Variants in PCDH15 observed in about 807,000 individuals in gnomAD.
PCDH15 encodes protocadherin-15.
PCDH15 carries 129 observed loss-of-function variants against 178.5 expected under a neutral mutation model. That is an observed-to-expected ratio of 0.72 (90% CI 0.63 to 0.84). The LOEUF is 0.84. Ranked by LOEUF, PCDH15 falls within the 40% of genes least tolerant of loss-of-function variation. The probability of loss-of-function intolerance (pLI) is 0.00; values close to 1 mark genes in which losing one functional copy is unlikely to be tolerated. For missense variants in PCDH15, 2,230 were observed against 2,099.9 expected (o/e 1.06, Z -1.21); for synonymous variants, 800 against 732.0 (o/e 1.09, Z -1.50).
rs544604007 is a variant in PCDH15, at chr10:53,911,326, C to A, written c.3374-7956G>T. Among the ~76,000 whole-genome samples, 11 of 152,292 alleles carry A rather than the reference C, an allele frequency of 7.2e-5. No homozygotes were observed. The South Asian group carries it at 8.3e-4, about 11-fold the overall frequency. On this transcript the variant is annotated intron_variant, in intron 25 of 37. Transcript: ENST00000644397. ...AAACTCACTCAAAACCGCATAACTA[C>A]ATGGAAACTGAACAACCTGCTCCTG...
intron 1 of PCDH15, among the ~76,000 whole-genome samples, chr10:54,764,153 G>A (rs1192857855): frequency 6.6e-6 from 1 of 151,902 alleles, no homozygotes; most frequent in African/African-American, 2.4e-5. Context: ...ACTTTGTTAT[G>A]TCTCTTGTCT....
chr10:54,783,369 A>AT (rs1950550667), intron 1 of PCDH15, among the ~76,000 whole-genome samples: 1 of 152,076 alleles, frequency 6.6e-6, no homozygotes, highest in Non-Finnish European at 1.5e-5. Flanking sequence ...TAAAGTAGGA[A>AT]TTTTTTACTT....
chr10:55,387,856 T>C (rs1420782607), intron 2 of PCDH15, among the ~76,000 whole-genome samples: 1 of 152,076 alleles, frequency 6.6e-6, no homozygotes, highest in Admixed American at 6.6e-5. Context: ...TTTTTTTTAA[T>C]ACGGAGAGCT....
At chr10:54,661,844 G>A (rs2094497751) in intron 2 of PCDH15, among the ~76,000 whole-genome samples, 1 of 151,928 alleles carries the variant, frequency 6.6e-6, no homozygotes, top group African/African-American at 2.4e-5. Context: ...AGGAAAACTT[G>A]CTTGCTAAAT....
intron 1 of PCDH15, among the ~76,000 whole-genome samples, chr10:55,313,250 T>C (rs1588903565): frequency 6.6e-6 from 1 of 152,156 alleles, no homozygotes; most frequent in Admixed American, 6.5e-5. Flanking sequence ...AAATATTAAA[T>C]ATCACTAATT....
At chr10:54,473,189 CTT>C (rs775208988) in intron 3 of PCDH15, among the ~76,000 whole-genome samples, 1 of 152,100 alleles carries the variant, frequency 6.6e-6, no homozygotes, top group Non-Finnish European at 1.5e-5. Context: ...AACACATACT[CTT>C]TGAGATTTTG....
chr10:54,361,797 C>T (rs1427271637), intron 5 of PCDH15, among the ~76,000 whole-genome samples: 3 of 151,894 alleles, frequency 2.0e-5, no homozygotes, highest in South Asian at 2.1e-4. Flanking sequence ...TTTTAAGACT[C>T]GGGAAATAAA....
chr10:55,305,865 C>T (rs1219171736), intron 1 of PCDH15, among the ~76,000 whole-genome samples: 1 of 152,082 alleles, frequency 6.6e-6, no homozygotes, highest in Non-Finnish European at 1.5e-5. Context: ...ATCTACCATG[C>T]CTACCTTCCT....
intron 9 of PCDH15, among the ~76,000 whole-genome samples, chr10:54,220,843 A>T (rs542798193): frequency 6.7e-6 from 1 of 149,444 alleles, no homozygotes; most frequent in Admixed American, 6.6e-5. Flanking sequence ...TAAATAAATA[A>T]ATAAATAAAT....
chr10:54,778,182 T>C (rs750220452), intron 1 of PCDH15, among the ~76,000 whole-genome samples: 2 of 152,196 alleles, frequency 1.3e-5, no homozygotes, highest in Non-Finnish European at 2.9e-5. Flanking sequence ...ACAAATGTTA[T>C]GTATTTGCAC....
chr10:55,054,013 G>A (rs1010413313), intron 2 of PCDH15, among the ~76,000 whole-genome samples: 1 of 152,170 alleles, frequency 6.6e-6, no homozygotes, highest in South Asian at 2.1e-4. Flanking sequence ...AAAGCTACAT[G>A]TGCAGGTTTG....
chr10:54,175,176 A>C lies in PCDH15; in HGVS notation c.1590+8268T>G, dbSNP rs577302683. Among the ~76,000 whole-genome samples, 7 of 152,284 alleles carry C rather than the reference A, an allele frequency of 4.6e-5. No homozygotes were observed. The South Asian group carries it at 1.2e-3, about 27-fold the overall frequency. ...TAAATATAACCCTCAAACTTTAATC[A>C]TGACATTATACACACAAACCAAAGA... On this transcript the variant is annotated intron_variant, in intron 13 of 37. Transcript: ENST00000644397.
chr10:55,261,700 T>C (rs1361870575), intron 1 of PCDH15, among the ~76,000 whole-genome samples: 2 of 152,168 alleles, frequency 1.3e-5, no homozygotes, highest in African/African-American at 4.8e-5. Context: ...TTTCAAAAGT[T>C]CAAACAAATT....
intron 9 of PCDH15, among the ~76,000 whole-genome samples, chr10:54,233,743 C>T (rs911749549): frequency 1.3e-5 from 2 of 152,176 alleles, no homozygotes; most frequent in Non-Finnish European, 2.9e-5. Flanking sequence ...CCAAGTGCTT[C>T]CTGAGTATAT....
chr10:54,719,669 C>T (rs1326861205), intron 1 of PCDH15, among the ~76,000 whole-genome samples: 1 of 152,028 alleles, frequency 6.6e-6, no homozygotes, highest in Admixed American at 6.6e-5. Context: ...TAATGCTCTC[C>T]CTCACCTCAG....
chr10:53,809,207 C>T, intron 37 of PCDH15: 2 of 1,613,952 alleles, frequency 1.2e-6, no homozygotes, highest in Non-Finnish European at 1.7e-6. Context: ...TCACTGAACT[C>T]AGACTCTTCT....
At chr10:55,463,540 G>C (rs1213788339) in intron 2 of PCDH15, among the ~76,000 whole-genome samples, 3 of 152,096 alleles carry the variant, frequency 2.0e-5, no homozygotes, top group South Asian at 2.1e-4. Flanking sequence ...TGTAATCTAA[G>C]AGATTACAGA....
At chr10:55,483,239 G>C (rs1481425819) in intron 2 of PCDH15, among the ~76,000 whole-genome samples, 1 of 151,348 alleles carries the variant, frequency 6.6e-6, no homozygotes, top group African/African-American at 2.4e-5. Context: ...TGCATCAAAG[G>C]TCTAATGTCC....
In PCDH15 at chr10:55,233,529, T is replaced by G. The variant is rs140843376; in HGVS notation, c.-155-66878A>C. 4.1e-3 allele frequency among the ~76,000 whole-genome samples: 619 copies of G among 152,216 alleles called. 3 individuals are homozygous for G. The highest frequency in any genetic ancestry group is 0.016 in the South Asian group (75 of 4,832). Reference sequence around the variant, plus strand: ...TTTGCATAGACATGTGTCATAAGGATAAGAAAAATAAAGTCAACTTCATAA... The same window carrying G: ...TTTGCATAGACATGTGTCATAAGGAGAAGAAAAATAAAGTCAACTTCATAA... On this transcript the variant is annotated intron_variant, in intron 1 of 5. Transcript: ENST00000458638.
Sources: gnomAD v4.1 joint callset for allele counts (sites outside exome capture counted in the v4.1 genomes callset) on GRCh38, gnomAD v4.1.1 for gene constraint, MANE v1.5 for transcripts, NCBI Gene and HGNC (gene_info 2026-07-23, HGNC 2026-07-21) for gene names.